SH3RF1: variants seen among roughly 807,000 people sequenced by gnomAD.
SH3RF1 encodes E3 ubiquitin-protein ligase SH3RF1.
Under a neutral mutation model 74.0 loss-of-function variants are expected in SH3RF1, and 32 were observed. That is an observed-to-expected ratio of 0.43 (90% CI 0.33 to 0.58). The LOEUF (loss-of-function observed/expected upper bound fraction) is 0.58, where lower values mean the gene tolerates loss of function less well. Among genes scored for constraint, SH3RF1 ranks in the 20% least tolerant of loss-of-function variants. The pLI, the probability that SH3RF1 is intolerant of heterozygous loss-of-function variation, is 0.05. For synonymous variants in SH3RF1, 396 were observed against 439.6 expected (o/e 0.90, Z 1.24); for missense variants, 954 against 1,130.9 (o/e 0.84, Z 2.24).
chr4:169,124,907 CA>C (rs1733499774), intron 6 of SH3RF1, among the ~76,000 whole-genome samples: 1 of 152,220 alleles, frequency 6.6e-6, no homozygotes, highest in African/African-American at 2.4e-5. Flanking sequence ...GCCTTTCATT[CA>C]CCCGGAGGTG....
chr4:169,231,981 A>C (rs1163661920), intron 2 of SH3RF1, among the ~76,000 whole-genome samples: 1 of 152,266 alleles, frequency 6.6e-6, no homozygotes, highest in Non-Finnish European at 1.5e-5. Context: ...ACATAGTATT[A>C]GCAAAAAGGA....
intron 2 of SH3RF1, among the ~76,000 whole-genome samples, chr4:169,190,010 A>C (rs1320706195): frequency 1.3e-5 from 2 of 152,228 alleles, no homozygotes; most frequent in Non-Finnish European, 2.9e-5. Flanking sequence ...GAAAATTTAA[A>C]AATTATTCTA....
intron 2 of SH3RF1, among the ~76,000 whole-genome samples, chr4:169,228,411 G>T (rs1218873708): frequency 6.6e-6 from 1 of 152,078 alleles, no homozygotes; most frequent in Non-Finnish European, 1.5e-5. Flanking sequence ...AGGTTCTAGG[G>T]GAAAAATCTG....
intron 6 of SH3RF1, among the ~76,000 whole-genome samples, chr4:169,122,723 C>T (rs1733461934): frequency 6.6e-6 from 1 of 152,168 alleles, no homozygotes; most frequent in African/African-American, 2.4e-5. Context: ...CAAATCATTC[C>T]TTCAGAAGAA....
At chr4:169,223,522 C>T (rs553706088) in intron 2 of SH3RF1, among the ~76,000 whole-genome samples, 4 of 152,268 alleles carry the variant, frequency 2.6e-5, no homozygotes, top group East Asian at 1.9e-4. Flanking sequence ...ATTCAGACAA[C>T]GAATGTTTAC....
chr4:169,122,006 A>C, intron 7 of SH3RF1, 94 bp downstream of exon 7: 2 of 1,519,462 alleles, frequency 1.3e-6, no homozygotes, highest in Non-Finnish European at 1.8e-6. Flanking sequence ...TAACGCTGTC[A>C]TCAGCTCATG....
At chr4:169,245,592 T>C (rs1294202646) in intron 2 of SH3RF1, among the ~76,000 whole-genome samples, 1 of 152,180 alleles carries the variant, frequency 6.6e-6, no homozygotes, top group Non-Finnish European at 1.5e-5. Context: ...CAAGATCCCA[T>C]TCTTGCCTAC....
chr4:169,251,983 G>T (rs1221622974), intron 2 of SH3RF1, among the ~76,000 whole-genome samples: 1 of 152,168 alleles, frequency 6.6e-6, no homozygotes, highest in East Asian at 1.9e-4. Context: ...TGCCAACTAA[G>T]TGTATTTTTC....
chr4:169,185,790 TGAA>T (rs1296766524), intron 2 of SH3RF1, among the ~76,000 whole-genome samples: 1 of 151,930 alleles, frequency 6.6e-6, no homozygotes, highest in African/African-American at 2.4e-5. Context: ...CTTTGAGAAA[TGAA>T]GGAGAGGGAA....
intron 2 of SH3RF1, among the ~76,000 whole-genome samples, chr4:169,184,276 C>A (rs1430252172): frequency 5.3e-5 from 8 of 152,186 alleles, no homozygotes; most frequent in Non-Finnish European, 1.0e-4. Flanking sequence ...TGCTTTTTCA[C>A]CTCTAAATTT....
intron 2 of SH3RF1, among the ~76,000 whole-genome samples, chr4:169,259,877 T>C (rs887523479): frequency 5.9e-5 from 9 of 152,214 alleles, no homozygotes; most frequent in Non-Finnish European, 1.2e-4. Context: ...TTGTGCTAGG[T>C]TGCTACAGTA....
At chr4:169,161,905 C>T (rs1734154393) in intron 2 of SH3RF1, among the ~76,000 whole-genome samples, 1 of 152,142 alleles carries the variant, frequency 6.6e-6, no homozygotes, top group Non-Finnish European at 1.5e-5. Flanking sequence ...TTGGGTCAGG[C>T]ACGGTAGCTC....
chr4:169,152,693 T>C (rs1479114292), intron 4 of SH3RF1, among the ~76,000 whole-genome samples: 1 of 152,152 alleles, frequency 6.6e-6, no homozygotes, highest in Admixed American at 6.5e-5. Context: ...GCCAAGATTG[T>C]GCCATTGCAC....
At chr4:169,181,223 A>C (rs1734504524) in intron 2 of SH3RF1, among the ~76,000 whole-genome samples, 1 of 150,864 alleles carries the variant, frequency 6.6e-6, no homozygotes, top group African/African-American at 2.4e-5. Flanking sequence ...CTCATACCCA[A>C]AATTCTTTTA....
At chr4:169,160,748 G>T (rs1025283486) in intron 2 of SH3RF1, among the ~76,000 whole-genome samples, 1 of 152,180 alleles carries the variant, frequency 6.6e-6, no homozygotes, top group Non-Finnish European at 1.5e-5. Flanking sequence ...ATCAAGCAAA[G>T]TTCAGTGATC....
chr4:169,160,607 T>C (rs1484983489), intron 2 of SH3RF1, among the ~76,000 whole-genome samples: 1 of 152,216 alleles, frequency 6.6e-6, no homozygotes, highest in African/African-American at 2.4e-5. Context: ...CAAACATTTG[T>C]GCATCTGGCT....
At chr4:169,212,900 C>T (rs956801026) in intron 2 of SH3RF1, among the ~76,000 whole-genome samples, 1 of 152,192 alleles carries the variant, frequency 6.6e-6, no homozygotes, top group Admixed American at 6.5e-5. Context: ...GATCTTTTTA[C>T]TGTCTCATAG....
At chr4:169,210,412 T>C (rs773436655) in intron 2 of SH3RF1, among the ~76,000 whole-genome samples, 2 of 152,226 alleles carry the variant, frequency 1.3e-5, no homozygotes, top group South Asian at 2.1e-4. Flanking sequence ...TGTAGAATGA[T>C]TGAAAAATCT....
At chr4:169,173,355 C>A (rs749147693) in intron 2 of SH3RF1, among the ~76,000 whole-genome samples, 1 of 151,986 alleles carries the variant, frequency 6.6e-6, no homozygotes, top group Non-Finnish European at 1.5e-5. Flanking sequence ...ATTAGTAAAA[C>A]TCCCACCGTG....
Sources: allele counts gnomAD v4.1 joint callset (sites outside exome capture counted in the v4.1 genomes callset), GRCh38; gene constraint gnomAD v4.1.1; transcripts MANE v1.5; gene names NCBI Gene and HGNC (gene_info 2026-07-23, HGNC 2026-07-21).